Variants in NET1 observed in about 807,000 individuals in gnomAD.
NET1 encodes the protein neuroepithelial cell transforming 1, also known as neuroepithelial cell-transforming gene 1 protein.
Under a neutral mutation model 61.1 loss-of-function variants are expected in NET1, and 42 were observed. That is an observed-to-expected ratio of 0.69 (90% CI 0.54 to 0.89). The LOEUF (loss-of-function observed/expected upper bound fraction) is 0.89, where lower values mean the gene tolerates loss of function less well. NET1 is among the 40% of genes least tolerant of loss of function. NET1 has a pLI of 0.00. For missense variants in NET1, 654 were observed against 747.3 expected, an observed-to-expected ratio of 0.88 and a Z score of 1.46; for synonymous variants, 254 against 281.8, an observed-to-expected ratio of 0.90 and a Z score of 0.99.
In NET1 at chr10:5,415,440, C is replaced by CTT. The variant is rs55784274; in HGVS notation, c.128+2631_128+2632dup. On this transcript the variant is annotated intron_variant, in intron 1 of 11. Transcript: ENST00000355029. This position sits in a 1 kb window ranked among gnomAD's most constrained non-coding sequence, Gnocchi z 4.7. ...CATTTTTGGTGGGCCATCCTTTGCTCTTTTTTTTTTTTCTTTTGAGACGGA... is the reference window on the plus strand; with the variant it reads ...CATTTTTGGTGGGCCATCCTTTGCTCTTTTTTTTTTTTTTCTTTTGAGACGGA... Among the ~76,000 whole-genome samples the CTT allele has an allele frequency of 4.2e-3, 607 of 145,158 alleles. 9 individuals are homozygous for CTT. The highest frequency in any genetic ancestry group is 9.2e-3 in the African/African-American group (361 of 39,296).
At position 5,456,744 on chromosome 10, in the gene NET1, G is replaced by A. The variant is rs1352682828; in HGVS notation, c.1541G>A (p.Gly514Asp). Residue 514 changes from glycine (G) to aspartate (D), a missense_variant, in exon 12 of 12, where the codon GGC (glycine) becomes GAC (aspartate). Coordinates refer to ENST00000355029, the MANE Select transcript of NET1 (RefSeq NM_001047160.3). The surrounding 1 kb of genome is among the most constrained non-coding windows in gnomAD (Gnocchi z 7.0). ...QSAGSPPELQ[G>D]LPELHEECEG... ...GCAGGCAGTCCACCTGAGCTGCAGG[G>A]CCTGCCGGAGCTGCACGAAGAGTGT... 1 of 1,614,074 alleles carries A rather than the reference G, an allele frequency of 6.2e-7. No homozygotes were observed. Among genetic ancestry groups the A allele is most frequent in the East Asian group, 2.2e-5 (1 of 44,882 alleles).
Position 5,452,747 on chromosome 10 carries a change from C to A in NET1, c.532-111C>A. ...TCCATTCTGAATTACAATTTTCAGACTGAGTTACTTTTTAAAATGCCGTTC... is the reference window on the plus strand; with the variant it reads ...TCCATTCTGAATTACAATTTTCAGAATGAGTTACTTTTTAAAATGCCGTTC... On this transcript the variant is annotated intron_variant, in intron 5 of 11. Coordinates refer to ENST00000355029, the MANE Select transcript of NET1 (RefSeq NM_001047160.3). This position sits in a 1 kb window ranked among gnomAD's most constrained non-coding sequence, Gnocchi z 4.0. 9.4e-7 allele frequency: 1 copy of A among 1,060,864 alleles called. No individual in the cohort carries two copies. Among genetic ancestry groups the A allele is most frequent in the Non-Finnish European group, 1.4e-6 (1 of 719,498 alleles). The allele number at this position is 1,060,864 out of a possible 1,614,324, so 65.7% of individuals were successfully genotyped here. A position where few individuals can be genotyped will look rare whatever the true frequency, so the allele number is the denominator to read the frequency against.
At chr10:5,436,658 T>C (rs1832443221) in intron 3 of NET1, among the ~76,000 whole-genome samples, 1 of 152,228 alleles carries the variant, frequency 6.6e-6, no homozygotes, top group Non-Finnish European at 1.5e-5. Flanking sequence ...TGTGATTGTT[T>C]ATAATTATAA....
intron 3 of NET1, among the ~76,000 whole-genome samples, chr10:5,436,225 C>CATAT (rs1411296575): frequency 0.037 from 915 of 24,494 alleles, 22 homozygotes; most frequent in South Asian, 0.06. Flanking sequence ...TGTGTGTGTG[C>CATAT]ATATATATAT....
Position 5,456,886 on chromosome 10 carries a change from G to A in NET1, c.1683G>A (p.Gln561=), listed in dbSNP as rs1228165201. The A allele has an allele frequency of 6.2e-7, 1 of 1,613,996 alleles. No homozygotes were observed. The highest frequency in any genetic ancestry group is 8.5e-7 in the Non-Finnish European group (1 of 1,180,006). Residue 561 remains glutamine, a synonymous_variant, in exon 12 of 12, where the codon CAG becomes CAA. Transcript: ENST00000355029. The surrounding 1 kb of genome is among the most constrained non-coding windows in gnomAD (Gnocchi z 7.0). ...CTTACAGATGTGGCTCTGGCATGCA[G>A]ATGGCAGAGGACAGCAAGAGCTTAA... ...ENAYRCGSGM[Q]MAEDSKSLKT... is the part of the protein sequence containing the mutation.
At position 5,457,190 on chromosome 10, in the gene NET1, T is replaced by C. The variant is rs1588443090; in HGVS notation, c.*196T>C. 1 of 411,744 alleles carries C rather than the reference T, an allele frequency of 2.4e-6. No homozygotes were observed. The highest frequency in any genetic ancestry group is 2.0e-5 in the African/African-American group (1 of 48,922). The allele number at this position is 411,744 out of a possible 1,614,324, so 25.5% of individuals were successfully genotyped here. On this transcript the variant is annotated 3_prime_UTR_variant, in exon 12 of 12. Transcript: ENST00000355029. The surrounding 1 kb of genome is among the most constrained non-coding windows in gnomAD (Gnocchi z 5.4). ...TACTGTTAAATTGCAGTCCTTTTTT[T>C]TTTAAAGATATTTTCTTGAATTATT...
At position 5,437,397 on chromosome 10, in the gene NET1, T is replaced by C. The variant is rs142927764; in HGVS notation, c.255+8168T>C. Among the ~76,000 whole-genome samples, 1 of 152,158 alleles carries C rather than the reference T, an allele frequency of 6.6e-6. No homozygotes were observed. The highest frequency in any genetic ancestry group is 2.1e-4 in the South Asian group (1 of 4,832). On this transcript the variant is annotated intron_variant, in intron 3 of 11. Coordinates refer to ENST00000355029, the MANE Select transcript of NET1 (RefSeq NM_001047160.3). This position sits in a 1 kb window ranked among gnomAD's most constrained non-coding sequence, Gnocchi z 4.3. ...TATTCCATAGTGTGTTAAAGTACCA[T>C]AATCTATTTAACCAGTCTTTTAAGA...
rs551893996 is a variant in NET1 at position 5,446,818 on chromosome 10, G to A, written c.256-5012G>A. ...CTCCTACCTATTAAAAGGACCATAC[G>A]AGTCCTAGATGTCAATAACCAGTCC... On this transcript the variant is annotated intron_variant, in intron 3 of 11. Coordinates refer to ENST00000355029, the MANE Select transcript of NET1 (RefSeq NM_001047160.3). This position sits in a 1 kb window ranked among gnomAD's most constrained non-coding sequence, Gnocchi z 5.0. The A allele has an allele frequency of 6.2e-7, 1 of 1,612,062 alleles. No individual in the cohort carries two copies. Among genetic ancestry groups the A allele is most frequent in the Admixed American group, 1.7e-5 (1 of 59,886 alleles).
At position 5,412,802 on chromosome 10, in the gene NET1, G is replaced by C. The variant is rs1483910219; in HGVS notation, c.110G>C (p.Gly37Ala). Reference sequence around the variant, plus strand: ...ACGGGGCCTTCGGCCGACACCTCCGGGTCGGAGCTGGACGGGAGGTGAGTG... The same window carrying C: ...ACGGGGCCTTCGGCCGACACCTCCGCGTCGGAGCTGGACGGGAGGTGAGTG... Reference protein sequence around the residue: ...GATGPSADTSGSELDGRCSLR... With the variant: ...GATGPSADTSASELDGRCSLR... Residue 37 changes from glycine (G) to alanine (A), a missense_variant, in exon 1 of 12, where the codon GGG becomes GCG. Coordinates refer to ENST00000355029, the MANE Select transcript of NET1 (RefSeq NM_001047160.3). This position sits in a 1 kb window ranked among gnomAD's most constrained non-coding sequence, Gnocchi z 6.5. The C allele has an allele frequency of 1.2e-5, 18 of 1,445,852 alleles. No homozygotes were observed. Among genetic ancestry groups the C allele is most frequent in the Non-Finnish European group, 1.5e-5 (17 of 1,103,722 alleles). 89.6% of individuals were successfully genotyped at this position (1,445,852 alleles called of 1,614,324 possible).
At chr10:5,450,148 C>T (rs1214542640) in intron 3 of NET1, among the ~76,000 whole-genome samples, 2 of 152,186 alleles carry the variant, frequency 1.3e-5, no homozygotes, top group Non-Finnish European at 2.9e-5. Context: ...TATTACATAT[C>T]GCGAAGGTTT....
chr10:5,439,518 A>G lies in NET1; in HGVS notation c.255+10289A>G, dbSNP rs1362707556. 6.6e-6 allele frequency among the ~76,000 whole-genome samples: 1 copy of G among 152,154 alleles called. No individual in the cohort carries two copies. The highest frequency in any genetic ancestry group is 1.5e-5 in the Non-Finnish European group (1 of 68,020). On this transcript the variant is annotated intron_variant, in intron 3 of 11. Transcript: ENST00000355029. This position sits in a 1 kb window ranked among gnomAD's most constrained non-coding sequence, Gnocchi z 4.8. Reference sequence around the variant, plus strand: ...ATGGACCATTTCCTTTGTATAACAGATGGCTGCTGTACCTCCCAACCTTCT... The same window carrying G: ...ATGGACCATTTCCTTTGTATAACAGGTGGCTGCTGTACCTCCCAACCTTCT...
chr10:5,453,668 A>C lies in NET1; in HGVS notation c.768+108A>C, dbSNP rs760430774. The C allele has an allele frequency of 6.8e-5, 65 of 958,024 alleles. No homozygotes were observed. Among genetic ancestry groups the C allele is most frequent in the Non-Finnish European group, 1.0e-4 (62 of 596,740 alleles). 59.3% of individuals were successfully genotyped at this position (958,024 alleles called of 1,614,324 possible). A position where few individuals can be genotyped will look rare whatever the true frequency, so the allele number is the denominator to read the frequency against. ...GATCCCACAACTCTGTTCTACAAAC[A>C]CATAAGGCGTTAAAACTGAACAAAT... On this transcript the variant is annotated intron_variant, in intron 8 of 11. Transcript: ENST00000355029. This position sits in a 1 kb window ranked among gnomAD's most constrained non-coding sequence, Gnocchi z 4.9.
Position 5,420,903 on chromosome 10 carries a change from C to G in NET1, c.129-5752C>G, listed in dbSNP as rs769280978. 3.3e-5 allele frequency among the ~76,000 whole-genome samples: 5 copies of G among 152,036 alleles called. No individual in the cohort carries two copies. The highest frequency in any genetic ancestry group is 6.5e-5 in the Admixed American group (1 of 15,272). On this transcript the variant is annotated intron_variant, in intron 1 of 11. Transcript: ENST00000355029. The surrounding 1 kb of genome is among the most constrained non-coding windows in gnomAD (Gnocchi z 5.3). Reference sequence around the variant, plus strand: ...GTCACTGTGCCCGGCCAGCAAGGGTCTTTCTAAAGAACCCTAGGTTATACT... The same window carrying G: ...GTCACTGTGCCCGGCCAGCAAGGGTGTTTCTAAAGAACCCTAGGTTATACT...
At chr10:5,432,803 A>G (rs548898551) in intron 3 of NET1, among the ~76,000 whole-genome samples, 1 of 151,850 alleles carries the variant, frequency 6.6e-6, no homozygotes, top group Non-Finnish European at 1.5e-5. Context: ...TCTTGGATGA[A>G]CTGTATGTAG....
Position 5,456,043 on chromosome 10 carries a change from A to G in NET1, c.1198-44A>G, listed in dbSNP as rs1452047330. The G allele has an allele frequency of 3.2e-6, 5 of 1,558,586 alleles. No individual in the cohort carries two copies. Among genetic ancestry groups the G allele is most frequent in the Non-Finnish European group, 3.5e-6 (4 of 1,145,828 alleles). On this transcript the variant is annotated intron_variant, in intron 10 of 11. Transcript: ENST00000355029. The surrounding 1 kb of genome is among the most constrained non-coding windows in gnomAD (Gnocchi z 7.0). Reference sequence around the variant, plus strand: ...TTTAGCAATATATTTCAGTCACTTAAAAACACAAGTTTCCTATTTAGCGTT... The same window carrying G: ...TTTAGCAATATATTTCAGTCACTTAGAAACACAAGTTTCCTATTTAGCGTT...
In NET1 at chr10:5,424,257, T is replaced by C. The variant is rs1001562975; in HGVS notation, c.129-2398T>C. On this transcript the variant is annotated intron_variant, in intron 1 of 11. Coordinates refer to ENST00000355029, the MANE Select transcript of NET1 (RefSeq NM_001047160.3). The surrounding 1 kb of genome is among the most constrained non-coding windows in gnomAD (Gnocchi z 6.1). Reference sequence around the variant, plus strand: ...TTTAAAATAACCTGAGACATCATAATTGTTTTTTCTTAAGCCAGTGCCCAC... The same window carrying C: ...TTTAAAATAACCTGAGACATCATAACTGTTTTTTCTTAAGCCAGTGCCCAC... 2.0e-5 allele frequency among the ~76,000 whole-genome samples: 3 copies of C among 152,222 alleles called. No individual in the cohort carries two copies. Among genetic ancestry groups the C allele is most frequent in the African/African-American group, 7.2e-5 (3 of 41,464 alleles).
rs1408725996 is a variant in NET1 at position 5,456,132 on chromosome 10, C to A, written c.1243C>A (p.Pro415Thr). 6 of 1,613,990 alleles carry A rather than the reference C, an allele frequency of 3.7e-6. No homozygotes were observed. The African/African-American group carries it at 5.3e-5, about 14-fold the overall frequency. The part of the protein sequence containing the change: ...LFQDILVLTR[P>T]VTRNERHSYQ... ...TCAAGACATCTTGGTTCTGACTCGGCCCGTCACACGGAACGAACGGCACTC... is the reference window on the plus strand; with the variant it reads ...TCAAGACATCTTGGTTCTGACTCGGACCGTCACACGGAACGAACGGCACTC... The change falls in exon 11 of 12, where the codon CCC becomes ACC. Residue 415 changes from proline to threonine, a missense_variant. Transcript: ENST00000355029. This position sits in a 1 kb window ranked among gnomAD's most constrained non-coding sequence, Gnocchi z 7.0.
rs539003673 is a variant in NET1, at chr10:5,451,213, A to T, written c.256-617A>T. Among the ~76,000 whole-genome samples, 2 of 152,338 alleles carry T rather than the reference A, an allele frequency of 1.3e-5. No individual in the cohort carries two copies. The highest frequency in any genetic ancestry group is 4.8e-5 in the African/African-American group (2 of 41,584). On this transcript the variant is annotated intron_variant, in intron 3 of 11. Transcript: ENST00000355029. The surrounding 1 kb of genome is among the most constrained non-coding windows in gnomAD (Gnocchi z 6.1). ...AGTGGTAGAGCCGGGATTTGTGCCC[A>T]GTCAGATTTCAGAGCCTGGGTGCTC...
At chr10:5,413,030 C>CG (rs1396940665) in intron 1 of NET1, among the ~76,000 whole-genome samples, 13 of 12,586 alleles carry the variant, frequency 1.0e-3, no homozygotes, top group Admixed American at 2.5e-3. Flanking sequence ...GAGGTGACCG[C>CG]GGGGTTGGGG....
Sources: allele counts gnomAD v4.1 joint callset (sites outside exome capture counted in the v4.1 genomes callset), GRCh38; gene constraint gnomAD v4.1.1; non-coding constraint Gnocchi (gnomAD v3.1); transcripts MANE v1.5; gene names NCBI Gene and HGNC (gene_info 2026-07-23, HGNC 2026-07-21).